The following ZNF334 variants were observed in gnomAD, a reference collection of about 807,000 sequenced individuals.
ZNF334 encodes zinc finger protein 334.
Under a neutral mutation model 12.4 loss-of-function variants are expected in ZNF334, and 14 were observed. That is an observed-to-expected ratio of 1.13 (90% CI 0.74 to 1.76). The LOEUF is 1.76. Among genes scored for constraint, ZNF334 ranks in the 40% most tolerant of loss-of-function variants. ZNF334 has a pLI of 0.00. For missense variants in ZNF334, 797 were observed against 804.5 expected, an observed-to-expected ratio of 0.99 and a Z score of 0.11; for synonymous variants, 273 against 269.6, an observed-to-expected ratio of 1.01 and a Z score of -0.12.
chr20:46,490,632 C>G, the ZNF334 span, among the ~76,000 whole-genome samples: 8 of 152,024 alleles, frequency 5.3e-5, no homozygotes, highest in Non-Finnish European at 1.2e-4. Flanking sequence ...ATTCAATGGC[C>G]ACTGTTGATC....
the ZNF334 span, among the ~76,000 whole-genome samples, chr20:46,482,571 A>G: frequency 6.6e-5 from 10 of 152,304 alleles, no homozygotes; most frequent in African/African-American, 2.2e-4. Context: ...GCAGATGAAT[A>G]ATTTTTTAAA....
Position 46,500,723 on chromosome 20 carries a change from A to C in ZNF334, c.*573T>G, listed in dbSNP as rs1282424355. 6.5e-6 allele frequency: 1 copy of C among 153,018 alleles called. No individual in the cohort carries two copies. The highest frequency in any genetic ancestry group is 1.5e-5 in the Non-Finnish European group (1 of 68,608). 9.5% of individuals were successfully genotyped at this position (153,018 alleles called of 1,614,324 possible). A position where few individuals can be genotyped will look rare whatever the true frequency, so the allele number is the denominator to read the frequency against. ...AGGGCTTTCACTGGCTCAGCTTTAC[A>C]AAATGCTCACCTGGGGTATAATTAC... On this transcript the variant is annotated 3_prime_UTR_variant, in exon 5 of 5. Transcript: ENST00000692313.
In ZNF334 at chr20:46,502,544, A is replaced by G. The variant is rs2061253935; in HGVS notation, c.795T>C (p.Tyr265=). The change falls in exon 5 of 5, where the codon TAT becomes TAC. Residue 265 remains tyrosine (Y), a synonymous_variant. Coordinates refer to ENST00000692313, the MANE Select transcript of ZNF334 (RefSeq NM_001353824.2). ...AAGTTTTCCTACAATCACTACAAAC[A>G]TACGGTTTCTCCCCTGTATGAATTC... ...HQRIHTGEKP[Y]VCSDCRKTFR... The G allele has an allele frequency of 6.2e-7, 1 of 1,613,800 alleles. No individual in the cohort carries two copies. The highest frequency in any genetic ancestry group is 8.5e-7 in the Non-Finnish European group (1 of 1,179,846).
chr20:46,502,310 G>A lies in ZNF334; in HGVS notation c.1029C>T (p.His343=), dbSNP rs571774691. ...TGCATTCGTAAGGCTTCTCCCCTGT[G>A]TGTGACCTGAAATGTTCAGCCAGGG... ...KSALAEHFRS[H]TGEKPYECKE... The change falls in exon 5 of 5, where the codon CAC becomes CAT. Residue 343 remains histidine, a synonymous_variant. Transcript: ENST00000692313. The A allele has an allele frequency of 1.6e-5, 26 of 1,614,120 alleles. 1 individual carries two copies. In the East Asian group the frequency reaches 5.8e-4, roughly 36 times the overall value.
the ZNF334 span, among the ~76,000 whole-genome samples, chr20:46,472,156 G>A: frequency 1.3e-5 from 2 of 152,118 alleles, no homozygotes; most frequent in African/African-American, 2.4e-5. Context: ...TTTGACTTAT[G>A]AGGCCCTAAA....
At chr20:46,479,766 G>A in the ZNF334 span, among the ~76,000 whole-genome samples, 2 of 152,154 alleles carry the variant, frequency 1.3e-5, no homozygotes, top group East Asian at 3.9e-4. Flanking sequence ...GGTATGAAAA[G>A]ACACATTTAC....
In ZNF334 at chr20:46,502,176, CAGA is replaced by C. The variant is rs764268033; in HGVS notation, c.1160_1162del (p.Phe387del). On this transcript the variant is annotated inframe_deletion, in exon 5 of 5. Coordinates refer to ENST00000692313, the MANE Select transcript of ZNF334 (RefSeq NM_001353824.2). ...CTGATGCGCAGTAAGGGCTGACTGA[CAGA>C]AGAAGGTTTTCCCACATTCCTTACA... is the stretch of plus-strand genomic sequence containing the variant. 5.3e-5 allele frequency: 85 copies of C among 1,613,790 alleles called. No homozygotes were observed. Among genetic ancestry groups the C allele is most frequent in the Admixed American group, 2.8e-4 (17 of 59,992 alleles).
At chr20:46,485,369 C>CA in the ZNF334 span, among the ~76,000 whole-genome samples, 1 of 151,088 alleles carries the variant, frequency 6.6e-6, no homozygotes, top group African/African-American at 2.4e-5. Context: ...CTGAATAGGT[C>CA]AAAAAACTTG....
At chr20:46,476,758 T>A in the ZNF334 span, among the ~76,000 whole-genome samples, 1 of 152,212 alleles carries the variant, frequency 6.6e-6, no homozygotes, top group Non-Finnish European at 1.5e-5. Flanking sequence ...CTATCCAAGC[T>A]GATAAAGCTT....
the ZNF334 span, among the ~76,000 whole-genome samples, chr20:46,472,262 A>T: frequency 6.6e-6 from 1 of 152,148 alleles, no homozygotes; most frequent in East Asian, 1.9e-4. Context: ...GCTGTTCTAG[A>T]CCCTGAGGAG....
intron 2 of ZNF334, among the ~76,000 whole-genome samples, chr20:46,508,114 T>C (rs900935149): frequency 2.0e-5 from 3 of 152,162 alleles, no homozygotes; most frequent in African/African-American, 4.8e-5. Context: ...AAGGTGCTTA[T>C]GACAAAAGAA....
At chr20:46,508,040 T>C (rs2061498957) in intron 2 of ZNF334, among the ~76,000 whole-genome samples, 1 of 152,208 alleles carries the variant, frequency 6.6e-6, no homozygotes, top group Middle Eastern at 3.2e-3. Context: ...GCAGACCCAG[T>C]GCACTTCATA....
chr20:46,485,629 T>C, the ZNF334 span: 1 of 152,034 alleles, frequency 6.6e-6, no homozygotes, highest in African/African-American at 2.4e-5. Context: ...TTCTCGAGTT[T>C]CAGTGCTGAC....
downstream of ZNF334, among the ~76,000 whole-genome samples, chr20:46,498,365 C>T (rs1291412440): frequency 2.6e-5 from 4 of 152,146 alleles, no homozygotes; most frequent in Non-Finnish European, 4.4e-5. Context: ...GAATCAATGC[C>T]GGCTGCCACG....
At chr20:46,489,324 C>A in the ZNF334 span, among the ~76,000 whole-genome samples, 1 of 152,086 alleles carries the variant, frequency 6.6e-6, no homozygotes, top group Non-Finnish European at 1.5e-5. Flanking sequence ...CCTGCTATTT[C>A]ATCTTTGGCT....
At chr20:46,470,049 G>T in the ZNF334 span, among the ~76,000 whole-genome samples, 4 of 152,068 alleles carry the variant, frequency 2.6e-5, no homozygotes, top group African/African-American at 9.7e-5. Flanking sequence ...AAATAGTAGA[G>T]CTCCCAGAGC....
chr20:46,470,269 C>T, the ZNF334 span, among the ~76,000 whole-genome samples: 1 of 152,336 alleles, frequency 6.6e-6, no homozygotes, highest in Non-Finnish European at 1.5e-5. Flanking sequence ...CCCACCACCC[C>T]TTATTGGCTC....
At chr20:46,483,801 TA>T in the ZNF334 span, among the ~76,000 whole-genome samples, 1 of 152,220 alleles carries the variant, frequency 6.6e-6, no homozygotes, top group Admixed American at 6.5e-5. Flanking sequence ...ACTTTTCATG[TA>T]AAAAACTAGT....
rs3795125 is a variant in ZNF334, at chr20:46,509,447, A to C, written c.21+2635T>G. On this transcript the variant is annotated intron_variant, in intron 2 of 4. Coordinates refer to ENST00000692313, the MANE Select transcript of ZNF334 (RefSeq NM_001353824.2). ...AGAGGCATTAGCATGCTGCCCACCA[A>C]CTCACTACAAGCCCCAAAGAGGGGC... Among the ~76,000 whole-genome samples the C allele has an allele frequency of 5.1e-3, 778 of 152,300 alleles. 13 individuals are homozygous for C. The East Asian group carries it at 0.083, about 16-fold the overall frequency.
Sources: allele counts gnomAD v4.1 joint callset (sites outside exome capture counted in the v4.1 genomes callset), GRCh38; gene constraint gnomAD v4.1.1; transcripts MANE v1.5; gene names NCBI Gene and HGNC (gene_info 2026-07-23, HGNC 2026-07-21).